Variants in ACBD6 observed in about 807,000 individuals in gnomAD.
ACBD6 encodes the protein acyl-CoA binding domain containing 6, also known as acyl-CoA-binding domain-containing protein 6.
In ACBD6, 28 loss-of-function variants were observed where a neutral mutation model predicts 37.2. The ratio of observed to expected loss-of-function variants is 0.75; its 90% confidence interval spans 0.56 to 1.03. ACBD6 has a LOEUF of 1.03. ACBD6 is among the 50% of genes least tolerant of loss of function. The pLI, the probability that ACBD6 is intolerant of heterozygous loss-of-function variation, is 0.00. For missense variants in ACBD6, 340 were observed against 337.4 expected (o/e 1.01, Z -0.06); for synonymous variants, 113 against 126.8 (o/e 0.89, Z 0.73).
At chr1:180,434,166 C>T (rs1165119950) in intron 3 of ACBD6, among the ~76,000 whole-genome samples, 1 of 152,104 alleles carries the variant, frequency 6.6e-6, no homozygotes, top group African/African-American at 2.4e-5. Flanking sequence ...TACTTTCCTC[C>T]CTTTAGCATT....
chr1:180,359,333 T>C (rs1323486593), intron 6 of ACBD6, among the ~76,000 whole-genome samples: 1 of 152,154 alleles, frequency 6.6e-6, no homozygotes, highest in African/African-American at 2.4e-5. Flanking sequence ...AAAATATTTA[T>C]AATACTGAGT....
At chr1:180,320,490 T>C (rs934157090) in intron 6 of ACBD6, among the ~76,000 whole-genome samples, 1 of 150,584 alleles carries the variant, frequency 6.6e-6, no homozygotes, top group African/African-American at 2.5e-5. Flanking sequence ...TATAAAAAAA[T>C]TAGCCACGCA....
intron 3 of ACBD6, chr1:180,435,435 A>G (rs1227350739): frequency 9.6e-5 from 31 of 323,514 alleles, no homozygotes; most frequent in African/African-American, 7.3e-4. Flanking sequence ...TTTTTTTTTT[A>G]GTAGAGACGG....
At chr1:180,303,275 TAG>T (rs1650206894) in intron 7 of ACBD6, among the ~76,000 whole-genome samples, 1 of 145,450 alleles carries the variant, frequency 6.9e-6, no homozygotes, top group Admixed American at 6.8e-5. Flanking sequence ...CTGAAGGAGA[TAG>T]AGACACAAAA....
Position 180,397,074 on chromosome 1 carries a change from AAAC to A in ACBD6, c.663+439_663+441del, listed in dbSNP as rs146137176. On this transcript the variant is annotated intron_variant, in intron 6 of 7. Transcript: ENST00000367595. ...GCTGCCCATCAATTGATTAATGGAT[AAAC>A]AACATTTGGGATATCCAAAAAATTC... 7.0e-3 allele frequency among the ~76,000 whole-genome samples: 1,064 copies of A among 152,344 alleles called. 14 individuals carry two copies. Among genetic ancestry groups the A allele is most frequent in the African/African-American group, 0.025 (1,025 of 41,586 alleles).
intron 3 of ACBD6, among the ~76,000 whole-genome samples, chr1:180,441,793 G>T (rs1649289370): frequency 6.6e-6 from 1 of 152,074 alleles, no homozygotes; most frequent in Non-Finnish European, 1.5e-5. Context: ...GGATTCTCTG[G>T]ATTTTCTATA....
chr1:180,483,668 G>T (rs940091185), intron 3 of ACBD6, among the ~76,000 whole-genome samples: 6 of 152,126 alleles, frequency 3.9e-5, no homozygotes, highest in Admixed American at 2.6e-4. Flanking sequence ...ATCTATTACA[G>T]ATTAGGATAC....
intron 7 of ACBD6, among the ~76,000 whole-genome samples, chr1:180,293,523 G>C (rs1649798021): frequency 6.6e-6 from 1 of 152,090 alleles, no homozygotes; most frequent in Admixed American, 6.6e-5. Context: ...GGCCAGGCTA[G>C]TCTCAAACTC....
intron 6 of ACBD6, among the ~76,000 whole-genome samples, chr1:180,321,489 T>C (rs1439015297): frequency 6.6e-6 from 1 of 152,186 alleles, no homozygotes; most frequent in Non-Finnish European, 1.5e-5. Context: ...GTAGTTTTCA[T>C]TGTAGAGATC....
At chr1:180,473,403 C>T (rs1302934315) in intron 3 of ACBD6, among the ~76,000 whole-genome samples, 2 of 148,184 alleles carry the variant, frequency 1.3e-5, no homozygotes, top group East Asian at 3.9e-4. Context: ...GCCGAGATCC[C>T]GCCACTGCAC....
chr1:180,393,597 A>G (rs986346144), intron 6 of ACBD6, among the ~76,000 whole-genome samples: 1 of 152,204 alleles, frequency 6.6e-6, no homozygotes, highest in African/African-American at 2.4e-5. Flanking sequence ...CCTTCCATTT[A>G]TTATGTTTGT....
chr1:180,274,805 T>TA (rs1424221942), exon 10 of ACBD6: 1 of 539,696 alleles, frequency 1.9e-6, no homozygotes, highest in Admixed American at 3.2e-5. Flanking sequence ...GCACAGGGGG[T>TA]AATGGCCTAG....
chr1:180,461,122 AG>A (rs1159660247), intron 3 of ACBD6, among the ~76,000 whole-genome samples: 7 of 152,230 alleles, frequency 4.6e-5, no homozygotes, highest in Admixed American at 3.3e-4. Context: ...TATTAATAGC[AG>A]AAGAGACCAA....
intron 3 of ACBD6, among the ~76,000 whole-genome samples, chr1:180,481,489 C>T (rs1026604172): frequency 1.3e-5 from 2 of 152,144 alleles, no homozygotes; most frequent in Admixed American, 1.3e-4. Context: ...CTTTACCATA[C>T]TCAAATCTTA....
At chr1:180,476,272 C>T (rs1050686619) in intron 3 of ACBD6, among the ~76,000 whole-genome samples, 9 of 152,100 alleles carry the variant, frequency 5.9e-5, no homozygotes, top group East Asian at 5.8e-4. Flanking sequence ...TCATTTATGC[C>T]GGAGGTTGAA....
At chr1:180,403,270 T>C (rs2101959915) in intron 5 of ACBD6, among the ~76,000 whole-genome samples, 1 of 152,326 alleles carries the variant, frequency 6.6e-6, no homozygotes, top group East Asian at 1.9e-4. Flanking sequence ...GCACTTCAGT[T>C]ACACAGGTAT....
At chr1:180,376,391 C>A (rs1262255483) in intron 6 of ACBD6, among the ~76,000 whole-genome samples, 1 of 152,152 alleles carries the variant, frequency 6.6e-6, no homozygotes. Context: ...TTATTAGTTG[C>A]AGCACTGTTT....
At chr1:180,273,231 G>A (rs1369617389) in intron 12 of ACBD6, 1 of 152,336 alleles carries the variant, frequency 6.6e-6, no homozygotes, top group Non-Finnish European at 1.5e-5. Flanking sequence ...GATGCCCTGG[G>A]AGGACTCTAG....
chr1:180,351,280 GTTT>G (rs34763031), intron 6 of ACBD6, among the ~76,000 whole-genome samples: 1 of 125,212 alleles, frequency 8.0e-6, no homozygotes. Flanking sequence ...CAGATATTAC[GTTT>G]TTTTTTTTTT....
Sources: allele counts gnomAD v4.1 joint callset (sites outside exome capture counted in the v4.1 genomes callset), GRCh38; gene constraint gnomAD v4.1.1; transcripts MANE v1.5; gene names NCBI Gene and HGNC (gene_info 2026-07-23, HGNC 2026-07-21).